Variants in ANO3 observed in about 807,000 individuals in gnomAD.
ANO3 encodes the protein anoctamin-3.
In ANO3, 99 loss-of-function variants were observed where a neutral mutation model predicts 144.8. The observed-to-expected ratio is 0.68, with a 90% CI of 0.58 to 0.81. The LOEUF (loss-of-function observed/expected upper bound fraction) is 0.81. ANO3 is among the 30% of genes least tolerant of loss of function. The pLI, the probability that ANO3 is intolerant of heterozygous loss-of-function variation, is 0.00. For synonymous variants in ANO3, 414 were observed against 392.6 expected (o/e 1.05, Z -0.64); for missense variants, 905 against 1,202.2 (o/e 0.75, Z 3.66).
intron 1 of ANO3, among the ~76,000 whole-genome samples, chr11:26,231,181 G>T (rs2349809): frequency 0.31 from 46,402 of 151,890 alleles, 7,757 homozygotes; most frequent in Non-Finnish European, 0.37. Context: ...TCCACCTGAA[G>T]TTTCCTTTTT....
rs761971397 is a variant in ANO3, at chr11:26,226,889, GT to G, written c.154+37566del. ...GCCATCACCATCATCCATTTCCAGA[GT>G]TTTTTTATTTTCCCAAACTGAAACT... On this transcript the variant is annotated intron_variant, in intron 1 of 27. Transcript: ENST00000672621. Among the ~76,000 whole-genome samples the G allele has an allele frequency of 2.6e-5, 4 of 151,942 alleles. No homozygotes were observed. In the East Asian group the frequency reaches 5.8e-4, roughly 22 times the overall value.
chr11:26,332,139 A>AGTGCCGGCTACAGCAGGTG lies in ANO3; in HGVS notation c.-136_-118dup. The AGTGCCGGCTACAGCAGGTG allele has an allele frequency of 6.5e-7, 1 of 1,534,298 alleles. No individual in the cohort carries two copies. Among genetic ancestry groups the AGTGCCGGCTACAGCAGGTG allele is most frequent in the East Asian group, 2.4e-5 (1 of 42,550 alleles). On this transcript the variant is annotated 5_prime_UTR_variant, in exon 1 of 27. Transcript: ENST00000256737. ...GGCGGGCGCGTAGCCTGGAGAGCGA[A>AGTGCCGGCTACAGCAGGTG]GTGCCGGCTACAGCAGGTGTCGGAT...
At chr11:26,262,739 C>CACACACACAGAG (rs1177111571) in intron 1 of ANO3, among the ~76,000 whole-genome samples, 1 of 148,696 alleles carries the variant, frequency 6.7e-6, no homozygotes, top group African/African-American at 2.5e-5. Context: ...CACACACACA[C>CACACACACAGAG]AGAGAGAGAG....
chr11:26,379,797 A>T (rs1210664551), intron 1 of ANO3, among the ~76,000 whole-genome samples: 2 of 152,088 alleles, frequency 1.3e-5, no homozygotes, highest in Non-Finnish European at 2.9e-5. Context: ...TTTCAAAAAA[A>T]GAATGGTGAA....
intron 17 of ANO3, among the ~76,000 whole-genome samples, chr11:26,607,054 C>T (rs1590624782): frequency 6.6e-6 from 1 of 152,022 alleles, no homozygotes; most frequent in East Asian, 1.9e-4. Context: ...ATATGAAATT[C>T]CATATGATAT....
chr11:26,616,025 T>C (rs945307754), intron 17 of ANO3, among the ~76,000 whole-genome samples: 1 of 152,206 alleles, frequency 6.6e-6, no homozygotes, highest in African/African-American at 2.4e-5. Flanking sequence ...AAAAAATATT[T>C]AATTAGTTCA....
chr11:26,412,463 T>C (rs537271428), intron 1 of ANO3, among the ~76,000 whole-genome samples: 3 of 152,142 alleles, frequency 2.0e-5, no homozygotes, highest in Non-Finnish European at 2.9e-5. Context: ...TTAAAGATAA[T>C]ATATTCAAAT....
chr11:26,267,845 T>C (rs1367462991), intron 1 of ANO3, among the ~76,000 whole-genome samples: 5 of 152,100 alleles, frequency 3.3e-5, no homozygotes, highest in Non-Finnish European at 7.4e-5. Flanking sequence ...GCCCTAATTC[T>C]CTCTACATAA....
At chr11:26,493,936 A>C (rs536665125) in intron 4 of ANO3, among the ~76,000 whole-genome samples, 28 of 152,276 alleles carry the variant, frequency 1.8e-4, no homozygotes, top group Non-Finnish European at 3.4e-4. Context: ...AAATAAACCT[A>C]GATTAGGTTT....
At chr11:26,509,150 G>A (rs941292825) in intron 5 of ANO3, among the ~76,000 whole-genome samples, 5 of 146,582 alleles carry the variant, frequency 3.4e-5, no homozygotes, top group African/African-American at 1.0e-4. Flanking sequence ...TTGTCATTTA[G>A]CAATATATTA....
At chr11:26,626,490 T>C (rs545752381) in intron 18 of ANO3, among the ~76,000 whole-genome samples, 1 of 152,312 alleles carries the variant, frequency 6.6e-6, no homozygotes, top group African/African-American at 2.4e-5. Context: ...AGTACCCCTG[T>C]CATTCTGAGT....
chr11:26,477,834 A>C (rs1242560653), intron 4 of ANO3, among the ~76,000 whole-genome samples: 2 of 152,132 alleles, frequency 1.3e-5, no homozygotes, highest in Admixed American at 6.5e-5. Context: ...AAATGGGCAA[A>C]ATTTTTTGAG....
chr11:26,622,314 A>G (rs1047881700), intron 17 of ANO3, among the ~76,000 whole-genome samples: 2 of 152,072 alleles, frequency 1.3e-5, no homozygotes, highest in African/African-American at 4.8e-5. Context: ...TATTAAGACA[A>G]AAATTTGAAT....
chr11:26,221,311 C>T (rs978379111), intron 1 of ANO3, among the ~76,000 whole-genome samples: 5 of 152,206 alleles, frequency 3.3e-5, no homozygotes, highest in Admixed American at 3.3e-4. Flanking sequence ...GCTTGGGTTC[C>T]ACTTGTGTAC....
At chr11:26,374,543 T>A (rs1203116371) in intron 1 of ANO3, among the ~76,000 whole-genome samples, 1 of 152,202 alleles carries the variant, frequency 6.6e-6, no homozygotes, top group African/African-American at 2.4e-5. Flanking sequence ...AAATTAGTAA[T>A]AATCATTTGC....
chr11:26,337,291 G>C (rs1407421430), intron 1 of ANO3, among the ~76,000 whole-genome samples: 1 of 152,196 alleles, frequency 6.6e-6, no homozygotes, highest in African/African-American at 2.4e-5. Context: ...GAATTAGCAA[G>C]AATAGTAGTA....
At position 26,612,188 on chromosome 11, in the gene ANO3, T is replaced by C. The variant is rs1339338550; in HGVS notation, c.1837-12274T>C. On this transcript the variant is annotated intron_variant, in intron 17 of 26. Transcript: ENST00000256737. The stretch of plus-strand genomic sequence containing the variant: ...TTTATAGATCATCTGTTCCTTTCTT[T>C]GTCTCTGTTTGTTTACCTCTGTGGG... Among the ~76,000 whole-genome samples the C allele has an allele frequency of 2.0e-5, 3 of 152,078 alleles. No individual in the cohort carries two copies. In the East Asian group the frequency reaches 5.8e-4, roughly 29 times the overall value.
chr11:26,623,825 C>T (rs557212739), intron 17 of ANO3, among the ~76,000 whole-genome samples: 107 of 152,000 alleles, frequency 7.0e-4, no homozygotes, highest in Admixed American at 3.6e-3. Flanking sequence ...GTCTCACTCT[C>T]GCCCAGGCTG....
Position 26,508,100 on chromosome 11 carries a change from G to A in ANO3, c.433-4G>A. ...ACCATTAACAATCATTGCTTTATTT[G>A]CAGAATGACATGAATTACATAGCAT... On this transcript the variant is annotated splice_polypyrimidine_tract_variant and splice_region_variant and intron_variant, in intron 4 of 26. Transcript: ENST00000256737. The A allele has an allele frequency of 6.4e-7, 1 of 1,569,868 alleles. No individual in the cohort carries two copies. Among genetic ancestry groups the A allele is most frequent in the Non-Finnish European group, 8.6e-7 (1 of 1,165,702 alleles).
Sources: gnomAD v4.1 joint callset for allele counts (sites outside exome capture counted in the v4.1 genomes callset) on GRCh38, gnomAD v4.1.1 for gene constraint, MANE v1.5 for transcripts, NCBI Gene and HGNC (gene_info 2026-07-23, HGNC 2026-07-21) for gene names.